Variants in PPFIA2 observed in about 807,000 individuals in gnomAD.
PPFIA2 encodes PPFI scaffold protein A2.
PPFIA2 carries 46 observed loss-of-function variants against 175.5 expected under a neutral mutation model. The ratio of observed to expected loss-of-function variants is 0.26; its 90% CI spans 0.21 to 0.34. PPFIA2 has a LOEUF of 0.34. Ranked by LOEUF, PPFIA2 falls within the 10% of genes least tolerant of loss-of-function variation. PPFIA2 has a pLI of 1.00. For synonymous variants in PPFIA2, 568 were observed against 511.4 expected, an observed-to-expected ratio of 1.11 and a Z score of -1.49; for missense variants, 1,179 against 1,506.1, an observed-to-expected ratio of 0.78 and a Z score of 3.60.
intron 4 of PPFIA2, among the ~76,000 whole-genome samples, chr12:81,487,156 C>G (rs1312617924): frequency 6.6e-6 from 1 of 151,782 alleles, no homozygotes; most frequent in Non-Finnish European, 1.5e-5. Context: ...CTGGACTGGC[C>G]TAGAATATCC....
At chr12:81,758,999 C>T (rs2153672533) in intron 1 of PPFIA2, among the ~76,000 whole-genome samples, 1 of 152,236 alleles carries the variant, frequency 6.6e-6, no homozygotes, top group South Asian at 2.1e-4. Flanking sequence ...TAAGGCTAAC[C>T]CTGGGAGTTA....
Position 81,263,335 on chromosome 12 carries a change from C to T in PPFIA2, c.3611G>A (p.Arg1204His), listed in dbSNP as rs749947929. The T allele has an allele frequency of 1.5e-5, 24 of 1,612,760 alleles. 2 individuals carry two copies. Among genetic ancestry groups the T allele is most frequent in the South Asian group, 7.7e-5 (7 of 91,056 alleles). Residue 1204 changes from arginine to histidine, a missense_variant, in exon 31 of 33, where the codon CGT (arginine) becomes CAT (histidine). By Grantham distance (29) the Arg-to-His change is conservative. Coordinates refer to ENST00000549396, the MANE Select transcript of PPFIA2 (RefSeq NM_003625.5). ...CATCATGCTGATTCCATGTACTTCA[C>T]GAGGAGGAAACTGCCTTCTCCAGGT... ...GSTWRRQFPP[R>H]EVHGISMMPG...
intron 8 of PPFIA2, among the ~76,000 whole-genome samples, chr12:81,396,935 CAT>C (rs2041237098): frequency 6.6e-6 from 1 of 151,850 alleles, no homozygotes; most frequent in Non-Finnish European, 1.5e-5. Context: ...AGGTGTGAGA[CAT>C]AGGGAGGATG....
At chr12:81,753,712 T>C (rs1261644561) in intron 3 of PPFIA2, among the ~76,000 whole-genome samples, 2 of 152,154 alleles carry the variant, frequency 1.3e-5, no homozygotes, top group African/African-American at 2.4e-5. Context: ...TCTACCTCCC[T>C]AAAACACATA....
chr12:81,713,401 A>C (rs2078204193), intron 3 of PPFIA2, among the ~76,000 whole-genome samples: 1 of 151,192 alleles, frequency 6.6e-6, no homozygotes, highest in African/African-American at 2.4e-5. Flanking sequence ...TATGATCTCT[A>C]GTTAGATACA....
intron 4 of PPFIA2, among the ~76,000 whole-genome samples, chr12:81,504,397 A>C (rs571230312): frequency 6.6e-6 from 1 of 152,104 alleles, no homozygotes; most frequent in Non-Finnish European, 1.5e-5. Flanking sequence ...ATGAAAAAAA[A>C]GCTTATCACT....
At chr12:81,547,569 T>C (rs1199041594) in intron 4 of PPFIA2, among the ~76,000 whole-genome samples, 1 of 152,156 alleles carries the variant, frequency 6.6e-6, no homozygotes, top group Non-Finnish European at 1.5e-5. Context: ...GAGACGGGGT[T>C]TCTCCATGTT....
At chr12:81,554,052 C>G (rs1567304873) in intron 4 of PPFIA2, among the ~76,000 whole-genome samples, 2 of 151,924 alleles carry the variant, frequency 1.3e-5, no homozygotes, top group South Asian at 4.2e-4. Flanking sequence ...GGATTTGATC[C>G]AATTTATACT....
At chr12:81,602,421 G>GCTTATGTTTCAATTCCAACATCCTAT (rs2059891089) in intron 4 of PPFIA2, among the ~76,000 whole-genome samples, 1 of 148,026 alleles carries the variant, frequency 6.8e-6, no homozygotes, top group African/African-American at 2.6e-5. Context: ...GTTCCCAGAA[G>GCTTATGTTTCAATTCCAACATCCTAT]TAAGTAGATG....
chr12:81,601,005 A>C (rs1310726898), intron 4 of PPFIA2, among the ~76,000 whole-genome samples: 1 of 151,972 alleles, frequency 6.6e-6, no homozygotes, highest in African/African-American at 2.4e-5. Context: ...TCTTAATATA[A>C]TCTCATGTAT....
chr12:81,445,869 C>G (rs938591791), intron 5 of PPFIA2, 149 bp from the exon 6 acceptor site: 16 of 612,610 alleles, frequency 2.6e-5, no homozygotes, highest in Non-Finnish European at 3.7e-5. Context: ...AAGCACAGAC[C>G]TGTTTAAAAC....
At chr12:81,336,987 T>G (rs1248033905) in intron 21 of PPFIA2, among the ~76,000 whole-genome samples, 1 of 152,140 alleles carries the variant, frequency 6.6e-6, no homozygotes, top group Non-Finnish European at 1.5e-5. Context: ...GGTCTTTCCA[T>G]GACAACTTGG....
chr12:81,484,329 G>C (rs1213104814), intron 4 of PPFIA2, among the ~76,000 whole-genome samples: 2 of 151,818 alleles, frequency 1.3e-5, no homozygotes, highest in Non-Finnish European at 2.9e-5. Context: ...TACCTAGTGG[G>C]GAAAACAAAG....
chr12:81,428,364 C>A (rs2047511744), intron 7 of PPFIA2, among the ~76,000 whole-genome samples: 1 of 151,990 alleles, frequency 6.6e-6, no homozygotes, highest in Admixed American at 6.6e-5. Context: ...ATAATTGCTT[C>A]ACACAAGACT....
chr12:81,340,910 A>G (rs1211513734), intron 20 of PPFIA2, among the ~76,000 whole-genome samples, 168 bp downstream of exon 20: 1 of 152,148 alleles, frequency 6.6e-6, no homozygotes, highest in African/African-American at 2.4e-5. Context: ...CAAATTTGAT[A>G]TCAAAATTGA....
At chr12:81,694,343 G>A (rs1283440600) in intron 3 of PPFIA2, among the ~76,000 whole-genome samples, 5 of 152,112 alleles carry the variant, frequency 3.3e-5, no homozygotes, top group Non-Finnish European at 5.9e-5. Context: ...GGCCAGACCT[G>A]GGGCCACCAC....
intron 4 of PPFIA2, chr12:81,676,524 A>T (rs1158375073): frequency 4.3e-6 from 1 of 234,638 alleles, no homozygotes; most frequent in Non-Finnish European, 8.2e-6. Context: ...TAGAACATAA[A>T]TTACTGAGAT....
intron 8 of PPFIA2, among the ~76,000 whole-genome samples, chr12:81,385,567 G>A (rs2038743451): frequency 6.6e-6 from 1 of 152,146 alleles, no homozygotes; most frequent in Non-Finnish European, 1.5e-5. Context: ...CAACATGGAT[G>A]AGCCTGGAGG....
chr12:81,409,283 C>G (rs930087190), intron 7 of PPFIA2, among the ~76,000 whole-genome samples: 1 of 152,146 alleles, frequency 6.6e-6, no homozygotes, highest in African/African-American at 2.4e-5. Context: ...GATGCCTCAC[C>G]ACTAAACAAC....
Sources: allele counts gnomAD v4.1 joint callset (sites outside exome capture counted in the v4.1 genomes callset), GRCh38; gene constraint gnomAD v4.1.1; transcripts MANE v1.5; gene names NCBI Gene and HGNC (gene_info 2026-07-23, HGNC 2026-07-21).